The following F8 variants were observed in gnomAD, a reference collection of about 807,000 sequenced individuals.
The protein encoded by F8 is coagulation factor VIII, also known as antihemophilic factor.
A neutral mutation model predicts 140.6 loss-of-function variants in F8; 12 were observed. The observed-to-expected ratio is 0.09, with a 90% confidence interval of 0.05 to 0.14. The LOEUF is 0.14. Ranked by LOEUF, F8 falls within the 10% of genes least tolerant of loss-of-function variation. F8 has a pLI of 1.00. For synonymous variants in F8, 585 were observed against 614.6 expected, an observed-to-expected ratio of 0.95 and a Z score of 0.71; for missense variants, 1,354 against 1,720.7, an observed-to-expected ratio of 0.79 and a Z score of 3.77.
At chrX:154,847,341 G>A (rs1275528830) in intron 25 of F8, among the ~76,000 whole-genome samples, 1 of 110,784 alleles carries the variant, frequency 9.0e-6, no homozygotes, top group East Asian at 2.8e-4. Context: ...GCCTTGCTAG[G>A]TTGGGGAAGT....
At chrX:154,900,276 C>A (rs1412263254) in intron 20 of F8, among the ~76,000 whole-genome samples, 2 of 111,238 alleles carry the variant, frequency 1.8e-5, no homozygotes, top group Non-Finnish European at 3.8e-5. Flanking sequence ...CTTTGTCACC[C>A]AGGCTGGAGT....
Position 154,861,878 on chromosome X carries a change from GA to G in F8, c.6575-13del, listed in dbSNP as rs1228346827. 8.3e-7 allele frequency: 1 copy of G among 1,208,825 alleles called. No individual in the cohort carries two copies. On this transcript the variant is annotated splice_polypyrimidine_tract_variant and intron_variant, in intron 23 of 25. Transcript: ENST00000360256. ...TGGCATGCTGCAACCTCAAAGAAAA[GA>G]AAAAAGAAGGTTATCACAAGGACAT... is the stretch of plus-strand genomic sequence containing the variant.
chrX:154,931,556 A>G lies in F8; in HGVS notation c.2234T>C (p.Ile745Thr), dbSNP rs781799717. 2 of 1,210,411 alleles carry G rather than the reference A, an allele frequency of 1.7e-6. No individual in the cohort carries two copies. The highest frequency in any genetic ancestry group is 3.5e-5 in the African/African-American group (2 of 57,743). Reference sequence around the variant, plus strand: ...GTTTTTACTCAGCAAGTATGCTGAAATATCTTCATAACTGTCCTCGTAATA... The same window carrying G: ...GTTTTTACTCAGCAAGTATGCTGAAGTATCTTCATAACTGTCCTCGTAATA... ...GDYYEDSYED[I>T]SAYLLSKNNA... The change falls in exon 14 of 26, where the codon ATT becomes ACT. Residue 745 changes from isoleucine to threonine, a missense_variant. Transcript: ENST00000360256.
At chrX:154,935,030 G>T (rs782433417) in intron 13 of F8, among the ~76,000 whole-genome samples, 1 of 109,870 alleles carries the variant, frequency 9.1e-6, no homozygotes, top group East Asian at 2.9e-4. Flanking sequence ...TGGCATGATG[G>T]TGCATGCCTG....
intron 22 of F8, among the ~76,000 whole-genome samples, chrX:154,871,760 A>T (rs1557273599): frequency 1.8e-5 from 2 of 112,261 alleles, no homozygotes; most frequent in Non-Finnish European, 3.8e-5. Flanking sequence ...GTGAGCAGGC[A>T]ACCTACAGGA....
At position 154,930,832 on chromosome X, in the gene F8, T is replaced by C. The variant is rs781808302; in HGVS notation, c.2958A>G (p.Thr986=). The part of the protein sequence containing the change: ...ESSWGKNVSS[T]ESGRLFKGKR... The stretch of plus-strand genomic sequence containing the variant: ...TCCCTTTAAATAACCTACCACTCTC[T>C]GTTGACGATACATTTTTTCCCCATG... The change falls in exon 14 of 26, where the codon ACA becomes ACG. Residue 986 remains threonine, a synonymous_variant. Coordinates refer to ENST00000360256, the MANE Select transcript of F8 (RefSeq NM_000132.4). The C allele has an allele frequency of 3.3e-5, 40 of 1,209,415 alleles. No homozygotes were observed. The highest frequency in any genetic ancestry group is 4.4e-5 in the Non-Finnish European group (39 of 894,010).
chrX:154,939,391 C>T (rs1280471840), intron 13 of F8, among the ~76,000 whole-genome samples: 1 of 112,760 alleles, frequency 8.9e-6, no homozygotes, highest in African/African-American at 3.2e-5. Flanking sequence ...CTCAGAGGGT[C>T]CTACGCCCAT....
At chrX:155,010,401 C>T (rs1470586) in intron 1 of F8, among the ~76,000 whole-genome samples, 26,190 of 110,882 alleles carry the variant, frequency 0.24, 2,270 homozygotes, top group South Asian at 0.4. Flanking sequence ...TGAGCAGCTG[C>T]GGGAACAGAT....
At chrX:154,865,651 T>G (rs2072726210) in intron 22 of F8, among the ~76,000 whole-genome samples, 1 of 109,159 alleles carries the variant, frequency 9.2e-6, no homozygotes, top group Non-Finnish European at 1.9e-5. Context: ...CAGACTGCCA[T>G]AACTATAAAG....
chrX:154,970,835 GA>G (rs2073453119), intron 6 of F8, among the ~76,000 whole-genome samples: 1 of 111,500 alleles, frequency 9.0e-6, no homozygotes, highest in Admixed American at 9.6e-5. Flanking sequence ...TTTTCCTTCA[GA>G]GTAATGCTCA....
Position 154,902,093 on chromosome X carries a change from G to A in F8, c.6073C>T (p.Leu2025=). 1 of 1,210,932 alleles carries A rather than the reference G, an allele frequency of 8.3e-7. No individual in the cohort carries two copies. The highest frequency in any genetic ancestry group is 1.1e-6 in the Non-Finnish European group (1 of 894,641). The stretch of plus-strand genomic sequence containing the variant: ...AAAAGTGTGCTCATCCCAGCATGTA[G>A]ATGCTCGCCAATAAGGCATTCCACC... The part of the protein sequence containing the change: ...WRVECLIGEH[L]HAGMSTLFLV... Residue 2025 remains leucine (L), a synonymous_variant, in exon 19 of 26, where the codon CTA becomes TTA. Transcript: ENST00000360256.
intron 18 of F8, among the ~76,000 whole-genome samples, chrX:154,903,333 T>C (rs1557276080): frequency 2.7e-5 from 3 of 111,079 alleles, no homozygotes; most frequent in Admixed American, 1.9e-4. Context: ...TACAGGTATA[T>C]ACCACATGTC....
intron 10 of F8, 34 bp downstream of exon 10, chrX:154,961,041 G>A: frequency 2.1e-6 from 2 of 937,197 alleles, no homozygotes. Flanking sequence ...GTATCTACAG[G>A]TAAAAAAGAG....
At chrX:154,839,373 T>A (rs1557271179) in intron 25 of F8, among the ~76,000 whole-genome samples, 1 of 107,658 alleles carries the variant, frequency 9.3e-6, no homozygotes, top group East Asian at 3.0e-4. Context: ...ATTTTTTTTT[T>A]TTTTTTTGAG....
intron 6 of F8, among the ~76,000 whole-genome samples, chrX:154,983,403 G>A (rs1023291242): frequency 2.7e-5 from 3 of 111,778 alleles, no homozygotes; most frequent in African/African-American, 9.8e-5. Context: ...AATACCACAT[G>A]TTCTCACTCA....
At chrX:154,917,997 T>C (rs1454631631) in intron 14 of F8, among the ~76,000 whole-genome samples, 4 of 112,276 alleles carry the variant, frequency 3.6e-5, no homozygotes, top group African/African-American at 1.3e-4. Flanking sequence ...CATATATCTA[T>C]GTCTTTGTAT....
chrX:154,939,732 G>C (rs1359770797), intron 13 of F8, among the ~76,000 whole-genome samples: 6 of 112,482 alleles, frequency 5.3e-5, no homozygotes, highest in African/African-American at 1.9e-4. Flanking sequence ...GTGGGTCCCT[G>C]AATCCTGAGT....
At chrX:154,925,884 G>A (rs2073157636) in intron 14 of F8, among the ~76,000 whole-genome samples, 1 of 111,894 alleles carries the variant, frequency 8.9e-6, no homozygotes, top group Non-Finnish European at 1.9e-5. Flanking sequence ...AGGCATGATT[G>A]GTTTTGAAAT....
chrX:154,930,170 T>A lies in F8; in HGVS notation c.3620A>T (p.His1207Leu). 8.3e-7 allele frequency: 1 copy of A among 1,206,841 alleles called. No homozygotes were observed. The highest frequency in any genetic ancestry group is 1.1e-6 in the Non-Finnish European group (1 of 893,512). The part of the protein sequence containing the change: ...NLDNLHENNT[H>L]NQEKKIQEEI... The stretch of plus-strand genomic sequence containing the variant: ...TTCCTGAATTTTTTTTTCTTGATTG[T>A]GTGTATTATTTTCATGTAAATTATC... The change falls in exon 14 of 26, where the codon CAC becomes CTC. Residue 1207 changes from histidine (H) to leucine (L), a missense_variant. Coordinates refer to ENST00000360256, the MANE Select transcript of F8 (RefSeq NM_000132.4).
Sources: gnomAD v4.1 joint callset for allele counts (sites outside exome capture counted in the v4.1 genomes callset) on GRCh38, gnomAD v4.1.1 for gene constraint, MANE v1.5 for transcripts, NCBI Gene and HGNC (gene_info 2026-07-23, HGNC 2026-07-21) for gene names.